Variants in HIBADH observed in about 807,000 individuals in gnomAD.
HIBADH encodes 3-hydroxyisobutyrate dehydrogenase, mitochondrial.
HIBADH carries 25 observed loss-of-function variants against 36.1 expected under a neutral mutation model. That is an observed-to-expected ratio of 0.69 (90% CI 0.50 to 0.97). The LOEUF is 0.97. Ranked by LOEUF, HIBADH falls within the 50% of genes least tolerant of loss-of-function variation. The probability of loss-of-function intolerance (pLI) is 0.00; values close to 1 mark genes in which losing one functional copy is unlikely to be tolerated. For synonymous variants in HIBADH, 160 were observed against 149.5 expected (o/e 1.07, Z -0.51); for missense variants, 421 against 418.0 (o/e 1.01, Z -0.06).
chr7:27,640,298 A>G (rs1785937600), intron 2 of HIBADH, among the ~76,000 whole-genome samples: 1 of 152,192 alleles, frequency 6.6e-6, no homozygotes, highest in African/African-American at 2.4e-5. Context: ...TGGGAGGCCA[A>G]GGTGGGCTGA....
chr7:27,581,870 A>AT (rs1429637382), intron 4 of HIBADH, among the ~76,000 whole-genome samples: 1 of 152,174 alleles, frequency 6.6e-6, no homozygotes, highest in African/African-American at 2.4e-5. Context: ...ATTCAAATGG[A>AT]TTTAGCTTCT....
intron 4 of HIBADH, among the ~76,000 whole-genome samples, chr7:27,603,845 G>C (rs950381393): frequency 1.3e-5 from 2 of 152,062 alleles, no homozygotes; most frequent in Non-Finnish European, 2.9e-5. Context: ...ATCACATTTC[G>C]AGCTTTAAAA....
chr7:27,598,721 C>T (rs888292771), intron 4 of HIBADH, among the ~76,000 whole-genome samples: 6 of 152,016 alleles, frequency 3.9e-5, no homozygotes, highest in African/African-American at 7.2e-5. Flanking sequence ...CAAAAAAGGG[C>T]CATATACCTA....
intron 4 of HIBADH, among the ~76,000 whole-genome samples, chr7:27,607,970 C>T (rs1277460140): frequency 6.6e-6 from 1 of 152,130 alleles, no homozygotes; most frequent in Non-Finnish European, 1.5e-5. Context: ...ACAAGTACTA[C>T]TCTCACACAT....
intron 4 of HIBADH, among the ~76,000 whole-genome samples, chr7:27,585,306 A>G (rs913424088): frequency 6.6e-6 from 1 of 152,008 alleles, no homozygotes; most frequent in Non-Finnish European, 1.5e-5. Flanking sequence ...TGTATGTATA[A>G]AAGTTTTTGA....
At chr7:27,594,213 A>G (rs56217631) in intron 4 of HIBADH, among the ~76,000 whole-genome samples, 12 of 148,156 alleles carry the variant, frequency 8.1e-5, no homozygotes, top group African/African-American at 3.0e-4. Context: ...GCACAATCTC[A>G]GCTCACTGCA....
intron 4 of HIBADH, among the ~76,000 whole-genome samples, chr7:27,546,562 C>T (rs1199523531): frequency 1.3e-5 from 2 of 152,034 alleles, no homozygotes; most frequent in Non-Finnish European, 2.9e-5. Context: ...TTGGGCCGCA[C>T]CTATAAATAA....
chr7:27,551,957 A>T (rs1035329695), intron 4 of HIBADH, among the ~76,000 whole-genome samples: 1 of 152,222 alleles, frequency 6.6e-6, no homozygotes, highest in East Asian at 1.9e-4. Context: ...CTGCTGTCAC[A>T]GGGACCATTT....
intron 4 of HIBADH, among the ~76,000 whole-genome samples, chr7:27,550,484 C>A (rs1444974399): frequency 2.0e-5 from 3 of 152,172 alleles, no homozygotes; most frequent in East Asian, 1.9e-4. Context: ...TCAATGCACA[C>A]TGAAAACTAT....
At chr7:27,596,586 G>A (rs1436291438) in intron 4 of HIBADH, among the ~76,000 whole-genome samples, 1 of 152,122 alleles carries the variant, frequency 6.6e-6, no homozygotes, top group Non-Finnish European at 1.5e-5. Context: ...ATCTCTGCAA[G>A]AATATTCAGA....
chr7:27,536,901 A>G (rs777180135), intron 6 of HIBADH, among the ~76,000 whole-genome samples: 1 of 152,162 alleles, frequency 6.6e-6, no homozygotes, highest in Non-Finnish European at 1.5e-5. Flanking sequence ...TACTTTATAT[A>G]ATCATTTATA....
chr7:27,661,749 A>G (rs1311647457), intron 1 of HIBADH, among the ~76,000 whole-genome samples: 1 of 151,806 alleles, frequency 6.6e-6, no homozygotes, highest in Non-Finnish European at 1.5e-5. Context: ...CAACTCTCAA[A>G]CTTTCAGTTT....
At chr7:27,551,156 A>G (rs769314637) in intron 4 of HIBADH, among the ~76,000 whole-genome samples, 18 of 145,960 alleles carry the variant, frequency 1.2e-4, no homozygotes, top group Non-Finnish European at 1.8e-4. Context: ...GGGCAGCATG[A>G]TTCTTTACAT....
chr7:27,616,454 C>T (rs930429549), intron 4 of HIBADH, among the ~76,000 whole-genome samples: 8 of 152,012 alleles, frequency 5.3e-5, no homozygotes, highest in African/African-American at 1.9e-4. Flanking sequence ...ATCATGTCTT[C>T]GTTGTTTTTT....
intron 2 of HIBADH, among the ~76,000 whole-genome samples, chr7:27,635,274 A>C (rs901657543): frequency 6.6e-6 from 1 of 152,244 alleles, no homozygotes; most frequent in African/African-American, 2.4e-5. Flanking sequence ...GAGGAAAAAC[A>C]AACCAACCTT....
intron 7 of HIBADH, among the ~76,000 whole-genome samples, chr7:27,528,734 G>A (rs887940847): frequency 6.6e-6 from 1 of 152,210 alleles, no homozygotes; most frequent in African/African-American, 2.4e-5. Context: ...AGAAACTGCA[G>A]GAAGTTAGTT....
chr7:27,560,740 T>G (rs1784452331), intron 4 of HIBADH, among the ~76,000 whole-genome samples: 1 of 152,086 alleles, frequency 6.6e-6, no homozygotes. Flanking sequence ...TGATGGACAT[T>G]TGGGTTGTTT....
At chr7:27,580,618 CA>C (rs1348717124) in intron 4 of HIBADH, among the ~76,000 whole-genome samples, 1 of 151,998 alleles carries the variant, frequency 6.6e-6, no homozygotes, top group African/African-American at 2.4e-5. Context: ...TCTTTTTTAC[CA>C]GAAAGATTCA....
intron 6 of HIBADH, among the ~76,000 whole-genome samples, chr7:27,535,860 C>T (rs1784064183): frequency 6.6e-6 from 1 of 151,642 alleles, no homozygotes; most frequent in South Asian, 2.1e-4. Context: ...TTTTATTCTT[C>T]AATTTTTTTA....
Sources: allele counts gnomAD v4.1 joint callset (sites outside exome capture counted in the v4.1 genomes callset), GRCh38; gene constraint gnomAD v4.1.1; transcripts MANE v1.5; gene names NCBI Gene and HGNC (gene_info 2026-07-23, HGNC 2026-07-21).